The following TMED3 variants were observed in gnomAD, a reference collection of about 807,000 sequenced individuals.
TMED3 encodes transmembrane p24 trafficking protein 3, also known as transmembrane emp24 domain-containing protein 3.
In TMED3, 9 loss-of-function variants were observed where a neutral mutation model predicts 15.0. The observed-to-expected ratio is 0.60, with a 90% CI of 0.36 to 1.04. TMED3 has a LOEUF of 1.04. Ranked by LOEUF, TMED3 falls within the 50% of genes least tolerant of loss-of-function variation. The pLI, the probability that TMED3 is intolerant of heterozygous loss-of-function variation, is 0.01. For missense variants in TMED3, 267 were observed against 278.9 expected (o/e 0.96, Z 0.30); for synonymous variants, 117 against 121.4 (o/e 0.96, Z 0.24).
At chr15:79,407,929 G>A (rs1450858418) in intron 2 of TMED3, among the ~76,000 whole-genome samples, 1 of 152,180 alleles carries the variant, frequency 6.6e-6, no homozygotes, top group African/African-American at 2.4e-5. Flanking sequence ...AACCAGATTG[G>A]TTTTTGTTCA....
chr15:79,350,421 T>G (rs1432749491), intron 2 of TMED3, among the ~76,000 whole-genome samples: 1 of 152,148 alleles, frequency 6.6e-6, no homozygotes, highest in Non-Finnish European at 1.5e-5. Flanking sequence ...CTTCAGTCTA[T>G]GTCTGAAGGC....
chr15:79,339,387 A>G (rs1382856703), intron 2 of TMED3, among the ~76,000 whole-genome samples: 1 of 151,982 alleles, frequency 6.6e-6, no homozygotes, highest in African/African-American at 2.4e-5. Flanking sequence ...CTTTTCTTTT[A>G]TGTCTTTGTC....
chr15:79,334,394 T>C (rs2058819984), intron 2 of TMED3, among the ~76,000 whole-genome samples: 1 of 152,146 alleles, frequency 6.6e-6, no homozygotes, highest in African/African-American at 2.4e-5. Context: ...CTAGGGGCCA[T>C]GTGTGAGCAG....
chr15:79,391,452 A>G (rs1893693467), intron 2 of TMED3, among the ~76,000 whole-genome samples: 1 of 151,782 alleles, frequency 6.6e-6, no homozygotes, highest in Admixed American at 6.6e-5. Context: ...TATAATTTCA[A>G]TTTTCTTAAA....
chr15:79,334,798 A>C (rs956047239), intron 2 of TMED3, among the ~76,000 whole-genome samples: 2 of 152,264 alleles, frequency 1.3e-5, no homozygotes, highest in African/African-American at 4.8e-5. Context: ...AAAGGAAAAA[A>C]ATTAAAAAAG....
At chr15:79,392,376 T>A (rs1893707987) in intron 2 of TMED3, among the ~76,000 whole-genome samples, 1 of 152,142 alleles carries the variant, frequency 6.6e-6, no homozygotes, top group Non-Finnish European at 1.5e-5. Context: ...TTAGTTTTGT[T>A]GGATACAAAA....
chr15:79,379,701 C>A (rs1893488391), intron 2 of TMED3, among the ~76,000 whole-genome samples: 1 of 151,984 alleles, frequency 6.6e-6, no homozygotes, highest in South Asian at 2.1e-4. Flanking sequence ...AAATAAGAAC[C>A]ATGTATAAAG....
Position 79,381,464 on chromosome 15 carries a change from G to T in TMED3, c.418-29936G>T, listed in dbSNP as rs1232172433. ...CAGGATGAAGGTTAAAAGGTCCTCT[G>T]GAGCGGTAAGGAGGTAGCAGGTGAT... On this transcript the variant is annotated intron_variant, in intron 2 of 2. Transcript: ENST00000424155. 3.3e-5 allele frequency among the ~76,000 whole-genome samples: 5 copies of T among 152,306 alleles called. No homozygotes were observed. In the East Asian group the frequency reaches 9.6e-4, roughly 29 times the overall value.
chr15:79,336,231 C>T (rs144417039), intron 2 of TMED3, among the ~76,000 whole-genome samples: 4 of 152,282 alleles, frequency 2.6e-5, no homozygotes, highest in Admixed American at 6.5e-5. Flanking sequence ...ATTTCTTATA[C>T]ATGAGGTTGT....
chr15:79,400,955 TA>T (rs1893825620), intron 2 of TMED3, among the ~76,000 whole-genome samples: 1 of 152,214 alleles, frequency 6.6e-6, no homozygotes, highest in Admixed American at 6.5e-5. Context: ...CCCTATTTTC[TA>T]GACCAGGAAC....
chr15:79,311,137 G>C lies in TMED3; in HGVS notation c.-113G>C, dbSNP rs1324173003. The C allele has an allele frequency of 3.3e-6, 4 of 1,220,740 alleles. No individual in the cohort carries two copies. The highest frequency in any genetic ancestry group is 3.3e-6 in the Non-Finnish European group (3 of 915,380). The allele number at this position is 1,220,740 out of a possible 1,614,324, so 75.6% of individuals were successfully genotyped here. On this transcript the variant is annotated 5_prime_UTR_variant, in exon 1 of 3. Transcript: ENST00000299705. ...CCTCCCGGAAGCGCAGAGCTCCGCT[G>C]GTGCCACGTCTATCCCCTTACATCC... is the stretch of plus-strand genomic sequence containing the variant.
chr15:79,413,061 A>T (rs1033332649), exon 3 of TMED3: 2 of 152,200 alleles, frequency 1.3e-5, no homozygotes, highest in Admixed American at 1.3e-4. Context: ...AGAGAAAAAA[A>T]AACCATCCCA....
chr15:79,348,379 A>G lies in TMED3; in HGVS notation c.417+34374A>G, dbSNP rs74321788. 5.0e-3 allele frequency among the ~76,000 whole-genome samples: 767 copies of G among 152,344 alleles called. 6 individuals carry two copies. The highest frequency in any genetic ancestry group is 0.018 in the African/African-American group (737 of 41,576). On this transcript the variant is annotated intron_variant, in intron 2 of 2. Transcript: ENST00000424155. Reference sequence around the variant, plus strand: ...GTTCATGCTTGTCAAATATATGTATATAAATATAGTCACTACCCTGTTGTT... The same window carrying G: ...GTTCATGCTTGTCAAATATATGTATGTAAATATAGTCACTACCCTGTTGTT...
Position 79,311,330 on chromosome 15 carries a change from C to G in TMED3, c.81C>G (p.Ala27=), listed in dbSNP as rs1184771458. 5.6e-6 allele frequency: 9 copies of G among 1,610,774 alleles called. No homozygotes were observed. Among genetic ancestry groups the G allele is most frequent in the Non-Finnish European group, 7.6e-6 (9 of 1,179,020 alleles). ...GCCGGGCCGAGCAGCCCTGCGGGGCCGAGCTCACCTTCGAGCTGCCGGACA... is the reference window on the plus strand; with the variant it reads ...GCCGGGCCGAGCAGCCCTGCGGGGCGGAGCTCACCTTCGAGCTGCCGGACA... The part of the protein sequence containing the change: ...LLRRAEQPCG[A]ELTFELPDNA... Residue 27 remains alanine (A), a synonymous_variant, in exon 1 of 3, where the codon GCC becomes GCG. Transcript: ENST00000299705.
At chr15:79,401,965 G>A (rs1209355029) in intron 2 of TMED3, among the ~76,000 whole-genome samples, 1 of 152,108 alleles carries the variant, frequency 6.6e-6, no homozygotes, top group African/African-American at 2.4e-5. Flanking sequence ...CAAAGGAGCA[G>A]TGATGGAGGC....
chr15:79,335,409 T>C lies in TMED3; in HGVS notation c.417+21404T>C, dbSNP rs547594365. Reference sequence around the variant, plus strand: ...CCCCAAACTATTTCTTGACATTTACTGGGATAAGACCCTGGAATACTGTCC... The same window carrying C: ...CCCCAAACTATTTCTTGACATTTACCGGGATAAGACCCTGGAATACTGTCC... On this transcript the variant is annotated intron_variant, in intron 2 of 2. Transcript: ENST00000424155. 1.8e-4 allele frequency among the ~76,000 whole-genome samples: 27 copies of C among 152,286 alleles called. No individual in the cohort carries two copies. In the South Asian group the frequency reaches 2.3e-3, roughly 13 times the overall value.
intron 2 of TMED3, chr15:79,383,241 T>C: frequency 1.8e-6 from 1 of 561,872 alleles, no homozygotes; most frequent in East Asian, 2.8e-5. Flanking sequence ...ATTTCCAATG[T>C]GGCTGCCTTT....
At chr15:79,347,771 A>G (rs12908324) in intron 2 of TMED3, among the ~76,000 whole-genome samples, 14,221 of 152,206 alleles carry the variant, frequency 0.093, 710 homozygotes, top group Admixed American at 0.12. Context: ...CAGGAATGCA[A>G]TCTCATTCAC....
chr15:79,391,555 G>A (rs1306369822), intron 2 of TMED3, among the ~76,000 whole-genome samples: 2 of 152,140 alleles, frequency 1.3e-5, no homozygotes, highest in African/African-American at 4.8e-5. Flanking sequence ...GTGATTGTTG[G>A]ATGAAATGTT....
Sources: gnomAD v4.1 joint callset for allele counts (sites outside exome capture counted in the v4.1 genomes callset) on GRCh38, gnomAD v4.1.1 for gene constraint, MANE v1.5 for transcripts, NCBI Gene and HGNC (gene_info 2026-07-23, HGNC 2026-07-21) for gene names.